The following COPG2 variants were observed in gnomAD, a reference collection of about 807,000 sequenced individuals.
COPG2 encodes the protein coat protein complex I subunit gamma 2.
A neutral mutation model predicts 46.3 loss-of-function variants in COPG2; 37 were observed. The observed-to-expected ratio is 0.80, with a 90% CI of 0.61 to 1.05. The LOEUF is 1.05. COPG2 is among the 50% of genes least tolerant of loss of function. The pLI, the probability that COPG2 is intolerant of heterozygous loss-of-function variation, is 0.00. For synonymous variants in COPG2, 159 were observed against 129.7 expected (o/e 1.23, Z -1.53); for missense variants, 427 against 387.8 (o/e 1.10, Z -0.85).
At chr7:130,632,005 A>G (rs1554455294) in intron 5 of COPG2, among the ~76,000 whole-genome samples, 1 of 152,176 alleles carries the variant, frequency 6.6e-6, no homozygotes, top group African/African-American at 2.4e-5. Flanking sequence ...TGGAAATCGA[A>G]TTCTGGATTG....
At chr7:130,615,979 C>G (rs373947703) in intron 6 of COPG2, among the ~76,000 whole-genome samples, 1 of 152,074 alleles carries the variant, frequency 6.6e-6, no homozygotes, top group Non-Finnish European at 1.5e-5. Flanking sequence ...AAAAGACAAG[C>G]CTTTTCAAAT....
At chr7:130,519,238 AGG>A (rs1354224879) in intron 20 of COPG2, among the ~76,000 whole-genome samples, 7 of 152,240 alleles carry the variant, frequency 4.6e-5, no homozygotes, top group African/African-American at 1.2e-4. Context: ...ATGGGAGAAA[AGG>A]GGGGAGTGAG....
chr7:130,604,661 T>C (rs1554450949), intron 9 of COPG2: 5 of 495,046 alleles, frequency 1.0e-5, no homozygotes, highest in Non-Finnish European at 2.0e-5. Context: ...AGGTATTTTA[T>C]TTTCTTCACT....
At chr7:130,516,053 C>T (rs1799675301) in intron 20 of COPG2, among the ~76,000 whole-genome samples, 1 of 152,030 alleles carries the variant, frequency 6.6e-6, no homozygotes, top group Admixed American at 6.6e-5. Context: ...AGTACTGAAT[C>T]TATGGAACTG....
chr7:130,615,986 A>G (rs1794942856), intron 6 of COPG2, among the ~76,000 whole-genome samples: 1 of 152,204 alleles, frequency 6.6e-6, no homozygotes, highest in Non-Finnish European at 1.5e-5. Flanking sequence ...AAGCCTTTTC[A>G]AATTTTAAAA....
intron 17 of COPG2, among the ~76,000 whole-genome samples, chr7:130,550,159 CTA>C (rs1793513464): frequency 6.6e-6 from 1 of 151,944 alleles, no homozygotes. Flanking sequence ...GCCTGTAATC[CTA>C]GCACTGTGGG....
At chr7:130,594,550 C>T (rs1554449468) in intron 9 of COPG2, among the ~76,000 whole-genome samples, 1 of 152,114 alleles carries the variant, frequency 6.6e-6, no homozygotes, top group African/African-American at 2.4e-5. Flanking sequence ...TGAAAGAACA[C>T]TATATCAAGA....
chr7:130,530,835 C>T (rs1055496557), intron 20 of COPG2, among the ~76,000 whole-genome samples: 2 of 151,684 alleles, frequency 1.3e-5, no homozygotes, highest in Non-Finnish European at 2.9e-5. Flanking sequence ...CTGGGCAGGA[C>T]AGCCACAGGT....
At chr7:130,627,511 C>T (rs1795139508) in intron 5 of COPG2, among the ~76,000 whole-genome samples, 1 of 152,176 alleles carries the variant, frequency 6.6e-6, no homozygotes, top group South Asian at 2.1e-4. Flanking sequence ...AAGTCAGCTC[C>T]ACTCTTGCTG....
chr7:130,631,778 T>C (rs1476727499), intron 5 of COPG2, among the ~76,000 whole-genome samples: 12 of 152,196 alleles, frequency 7.9e-5, no homozygotes, highest in Admixed American at 7.9e-4. Flanking sequence ...CTTTTAAAAT[T>C]ACGTAAACAA....
rs954926033 is a variant in COPG2 at position 130,610,406 on chromosome 7, T to C, written c.737+547A>G. 6 of 375,434 alleles carry C rather than the reference T, an allele frequency of 1.6e-5. 1 individual carries two copies. Among genetic ancestry groups the C allele is most frequent in the African/African-American group, 1.3e-4 (6 of 46,968 alleles). 23.3% of individuals were successfully genotyped at this position (375,434 alleles called of 1,614,324 possible). ...GTTTGCCAGGCCACATAAGAAATCT[T>C]TGTTTTAGAGCTCAGCCATAAGCCT... is the stretch of plus-strand genomic sequence containing the variant. On this transcript the variant is annotated intron_variant, in intron 9 of 23. Coordinates refer to ENST00000425248, the MANE Select transcript of COPG2 (RefSeq NM_012133.6).
chr7:130,510,968 G>C (rs1554440941), intron 20 of COPG2: 1 of 520,032 alleles, frequency 1.9e-6, no homozygotes, highest in South Asian at 1.4e-5. Context: ...CTGAAGATCT[G>C]CATTAAAACT....
chr7:130,547,200 C>T (rs1010740498), intron 20 of COPG2: 11 of 152,436 alleles, frequency 7.2e-5, no homozygotes, highest in African/African-American at 2.4e-4. Flanking sequence ...TAGGCTGAGA[C>T]ATGCTCTCAG....
intron 20 of COPG2, among the ~76,000 whole-genome samples, chr7:130,537,176 T>C (rs1799888380): frequency 6.6e-6 from 1 of 151,854 alleles, no homozygotes; most frequent in Non-Finnish European, 1.5e-5. Flanking sequence ...AGGTAGGAGA[T>C]TCAGAGGCAG....
chr7:130,541,195 C>A (rs1160927835), intron 20 of COPG2, among the ~76,000 whole-genome samples: 1 of 152,078 alleles, frequency 6.6e-6, no homozygotes, highest in Non-Finnish European at 1.5e-5. Flanking sequence ...CGAAAAGGCA[C>A]CGGGTACCCT....
At chr7:130,540,353 G>A (rs1486364618) in intron 20 of COPG2, among the ~76,000 whole-genome samples, 4 of 151,936 alleles carry the variant, frequency 2.6e-5, no homozygotes, top group African/African-American at 9.7e-5. Context: ...CTGAGAACTC[G>A]GGAAACAAAG....
At chr7:130,577,181 T>C (rs1303201956) in intron 9 of COPG2, among the ~76,000 whole-genome samples, 4 of 152,134 alleles carry the variant, frequency 2.6e-5, no homozygotes, top group East Asian at 3.9e-4. Context: ...GATGGCCGAA[T>C]AGGAACAGCT....
At chr7:130,605,468 G>A (rs1363608112) in intron 9 of COPG2, among the ~76,000 whole-genome samples, 2 of 152,194 alleles carry the variant, frequency 1.3e-5, no homozygotes, top group Non-Finnish European at 1.5e-5. Flanking sequence ...TGAAAGAGGA[G>A]GCAGAAGAAA....
chr7:130,664,453 T>A (rs938662355), intron 3 of COPG2, among the ~76,000 whole-genome samples: 3 of 152,256 alleles, frequency 2.0e-5, no homozygotes, highest in Admixed American at 6.5e-5. Flanking sequence ...TTTTTAGTTA[T>A]ACAGGAAAAC....
Sources: allele counts gnomAD v4.1 joint callset (sites outside exome capture counted in the v4.1 genomes callset), GRCh38; gene constraint gnomAD v4.1.1; transcripts MANE v1.5; gene names NCBI Gene and HGNC (gene_info 2026-07-23, HGNC 2026-07-21).